ADGRB3: variants seen among roughly 807,000 people sequenced by gnomAD.
ADGRB3 encodes adhesion G protein-coupled receptor B3.
A neutral mutation model predicts 193.4 loss-of-function variants in ADGRB3; 37 were observed. That is an observed-to-expected ratio of 0.19 (90% CI 0.15 to 0.25). The LOEUF is 0.25. Ranked by LOEUF, ADGRB3 falls within the 10% of genes least tolerant of loss-of-function variation. The pLI, the probability that ADGRB3 is intolerant of heterozygous loss-of-function variation, is 1.00. For missense variants in ADGRB3, 1,637 were observed against 1,852.9 expected, an observed-to-expected ratio of 0.88 and a Z score of 2.14; for synonymous variants, 690 against 644.2, an observed-to-expected ratio of 1.07 and a Z score of -1.08.
At chr6:68,731,311 G>A (rs917841179) in intron 3 of ADGRB3, among the ~76,000 whole-genome samples, 6 of 151,150 alleles carry the variant, frequency 4.0e-5, no homozygotes, top group Non-Finnish European at 7.4e-5. Flanking sequence ...TTTCCAAAAA[G>A]TATTGATTTA....
chr6:68,698,009 T>C (rs1765184459), intron 3 of ADGRB3, among the ~76,000 whole-genome samples: 1 of 151,682 alleles, frequency 6.6e-6, no homozygotes, highest in African/African-American at 2.4e-5. Context: ...TATAAACAGA[T>C]ATAAGATACA....
At chr6:68,739,892 T>A (rs928950270) in intron 3 of ADGRB3, among the ~76,000 whole-genome samples, 1 of 152,182 alleles carries the variant, frequency 6.6e-6, no homozygotes, top group East Asian at 1.9e-4. Flanking sequence ...TAACTTTCTA[T>A]GTTTTTGTTT....
rs146806696 is a variant in ADGRB3, at chr6:68,974,734, C to T, written c.1526-29C>T. 4.8e-4 allele frequency: 765 copies of T among 1,599,026 alleles called. 5 individuals carry two copies. In the African/African-American group the frequency reaches 9.6e-3, roughly 20 times the overall value. ...GCCAAAATTTTTTAAACACTACTGA[C>T]ATTCAAGTCCCTTTGTTTAAAATTG... On this transcript the variant is annotated intron_variant, in intron 8 of 31. Transcript: ENST00000370598.
chr6:68,915,300 A>AAGAT (rs10700098), intron 3 of ADGRB3, among the ~76,000 whole-genome samples: 118,190 of 151,510 alleles, frequency 0.78, 46,595 homozygotes, highest in Middle Eastern at 0.85. Context: ...TCATCCAGTT[A>AAGAT]GGCACTTAAA....
chr6:69,055,614 C>T (rs1398196597), intron 15 of ADGRB3, among the ~76,000 whole-genome samples: 1 of 152,072 alleles, frequency 6.6e-6, no homozygotes, highest in Non-Finnish European at 1.5e-5. Flanking sequence ...TCAAATATTT[C>T]TTTGAGATCT....
intron 17 of ADGRB3, among the ~76,000 whole-genome samples, chr6:69,189,507 T>A (rs1765141724): frequency 6.6e-6 from 1 of 152,242 alleles, no homozygotes. Context: ...AAAAATGTTT[T>A]GAAATTATTA....
intron 17 of ADGRB3, among the ~76,000 whole-genome samples, chr6:69,214,773 A>G (rs961608726): frequency 7.2e-5 from 11 of 151,742 alleles, no homozygotes; most frequent in Non-Finnish European, 4.4e-5. Flanking sequence ...CATTAAAAGT[A>G]ATGGCAAAAA....
intron 17 of ADGRB3, among the ~76,000 whole-genome samples, chr6:69,153,615 G>A (rs1475701677): frequency 6.6e-6 from 1 of 152,068 alleles, no homozygotes; most frequent in Non-Finnish European, 1.5e-5. Context: ...ACAAATGTGG[G>A]AAATTTCAAA....
intron 3 of ADGRB3, among the ~76,000 whole-genome samples, chr6:68,700,133 A>G (rs969583760): frequency 1.4e-4 from 22 of 152,204 alleles, no homozygotes; most frequent in Admixed American, 1.1e-3. Flanking sequence ...TTTGATACTT[A>G]TACAAATAAT....
intron 3 of ADGRB3, among the ~76,000 whole-genome samples, chr6:68,877,879 C>CT (rs1159844833): frequency 6.6e-6 from 1 of 151,894 alleles, no homozygotes; most frequent in African/African-American, 2.4e-5. Context: ...ATCTTGTTTT[C>CT]TTTTTTTAAA....
chr6:68,688,166 G>A (rs1312387685), intron 3 of ADGRB3, among the ~76,000 whole-genome samples: 1 of 152,054 alleles, frequency 6.6e-6, no homozygotes, highest in Non-Finnish European at 1.5e-5. Context: ...AAGAACCTAA[G>A]AAACACAATG....
intron 17 of ADGRB3, among the ~76,000 whole-genome samples, chr6:69,184,009 T>C (rs1024535605): frequency 1.3e-5 from 2 of 152,124 alleles, no homozygotes; most frequent in African/African-American, 2.4e-5. Flanking sequence ...GTGTGATAAC[T>C]TAAAACATGT....
At chr6:68,793,415 G>T (rs6919103) in intron 3 of ADGRB3, among the ~76,000 whole-genome samples, 119,177 of 152,134 alleles carry the variant, frequency 0.78, 46,883 homozygotes, top group Middle Eastern at 0.91. Context: ...ATTATTTATA[G>T]CTACAGATCA....
At chr6:68,965,218 AAC>A (rs1768344157) in intron 8 of ADGRB3, among the ~76,000 whole-genome samples, 1 of 152,174 alleles carries the variant, frequency 6.6e-6, no homozygotes, top group Admixed American at 6.6e-5. Context: ...GCTGTTATGA[AAC>A]ACACTTCATA....
intron 3 of ADGRB3, among the ~76,000 whole-genome samples, chr6:68,812,008 T>A (rs1423860876): frequency 5.3e-5 from 8 of 152,216 alleles, no homozygotes. Context: ...AAGACTATAA[T>A]GCCACATTAG....
Position 69,284,433 on chromosome 6 carries a change from C to T in ADGRB3, c.2815-40439C>T, listed in dbSNP as rs535146834. On this transcript the variant is annotated intron_variant, in intron 20 of 31. Coordinates refer to ENST00000370598, the MANE Select transcript of ADGRB3 (RefSeq NM_001704.3). ...CAGCCGACTTGATCTGCTTGACTAC[C>T]GGCATTGTGATTTCTACCGAGGCAA... Among the ~76,000 whole-genome samples, 111 of 152,110 alleles carry T rather than the reference C, an allele frequency of 7.3e-4. 1 individual carries two copies. The highest frequency in any genetic ancestry group is 2.0e-3 in the Admixed American group (31 of 15,262).
chr6:69,305,176 T>A (rs1466081481), intron 20 of ADGRB3, among the ~76,000 whole-genome samples: 1 of 151,572 alleles, frequency 6.6e-6, no homozygotes, highest in East Asian at 1.9e-4. Flanking sequence ...TGGCAGCCAC[T>A]TAAAACAAAT....
At chr6:68,887,313 T>C (rs1765937847) in intron 3 of ADGRB3, among the ~76,000 whole-genome samples, 1 of 152,106 alleles carries the variant, frequency 6.6e-6, no homozygotes, top group African/African-American at 2.4e-5. Context: ...CCTTGCAGTC[T>C]ATTAGCTAGT....
At chr6:68,805,360 T>G (rs1767382535) in intron 3 of ADGRB3, among the ~76,000 whole-genome samples, 1 of 152,146 alleles carries the variant, frequency 6.6e-6, no homozygotes, top group Admixed American at 6.5e-5. Flanking sequence ...GTTCTTAATC[T>G]CCCCCAAATA....
Sources: allele counts gnomAD v4.1 joint callset (sites outside exome capture counted in the v4.1 genomes callset), GRCh38; gene constraint gnomAD v4.1.1; transcripts MANE v1.5; gene names NCBI Gene and HGNC (gene_info 2026-07-23, HGNC 2026-07-21).